The following CTNNA2 variants were observed in gnomAD, a reference collection of about 807,000 sequenced individuals.
CTNNA2 encodes catenin alpha-2.
Under a neutral mutation model 101.0 loss-of-function variants are expected in CTNNA2, and 42 were observed. That is an observed-to-expected ratio of 0.42 (90% CI 0.32 to 0.54). The LOEUF (loss-of-function observed/expected upper bound fraction) is 0.54, where lower values mean the gene tolerates loss of function less well. Ranked by LOEUF, CTNNA2 falls within the 20% of genes least tolerant of loss-of-function variation. CTNNA2 has a pLI of 0.14. For synonymous variants in CTNNA2, 450 were observed against 456.4 expected, an observed-to-expected ratio of 0.99 and a Z score of 0.18; for missense variants, 871 against 1,223.1, an observed-to-expected ratio of 0.71 and a Z score of 4.29.
At chr2:80,140,292 G>A (rs989974444) in intron 7 of CTNNA2, among the ~76,000 whole-genome samples, 11 of 152,074 alleles carry the variant, frequency 7.2e-5, no homozygotes, top group African/African-American at 2.7e-4. Flanking sequence ...AGTCCATTTG[G>A]TATACTTTTT....
Position 79,874,302 on chromosome 2 carries a change from C to A in CTNNA2, c.812C>A (p.Thr271Lys), listed in dbSNP as rs371923353. The change falls in exon 6 of 19, where the codon ACG (threonine) becomes AAG (lysine). Residue 271 changes from threonine (T) to lysine (K), a missense_variant. Around this residue, in one of 5 missense-constraint regions of CTNNA2, gnomAD observed 647 missense variants for 831.5 expected, o/e 0.78. Coordinates refer to ENST00000402739, the MANE Select transcript of CTNNA2 (RefSeq NM_001282597.3). ...TSPTDEAKGHTGIGELAAALN... is the reference protein window; with the variant it reads ...TSPTDEAKGHKGIGELAAALN... The stretch of plus-strand genomic sequence containing the variant: ...CCCACTGACGAAGCCAAGGGCCACA[C>A]GGGCATCGGCGAGCTGGCTGCGGCT... 1 of 1,613,932 alleles carries A rather than the reference C, an allele frequency of 6.2e-7. No homozygotes were observed. The highest frequency in any genetic ancestry group is 1.7e-5 in the Admixed American group (1 of 59,988).
Position 79,904,620 on chromosome 2 carries a change from G to A in CTNNA2, c.853-4974G>A, listed in dbSNP as rs190871553. On this transcript the variant is annotated intron_variant, in intron 6 of 18. Transcript: ENST00000402739. ...TTATTTGTGAGCTGAATGACCATGG[G>A]ACAACATCTCTGGCATCATTTCCCT... Among the ~76,000 whole-genome samples the A allele has an allele frequency of 5.8e-4, 88 of 152,252 alleles. 1 individual carries two copies. Among genetic ancestry groups the A allele is most frequent in the African/African-American group, 2.0e-3 (84 of 41,530 alleles).
intron 7 of CTNNA2, among the ~76,000 whole-genome samples, chr2:79,961,363 A>C (rs1004975137): frequency 6.6e-6 from 1 of 152,166 alleles, no homozygotes; most frequent in South Asian, 2.1e-4. Flanking sequence ...TCTATCACCC[A>C]GTGCTTGAGG....
At chr2:79,594,195 CT>C (rs1352155903) in intron 1 of CTNNA2, among the ~76,000 whole-genome samples, 2 of 151,990 alleles carry the variant, frequency 1.3e-5, no homozygotes, top group Non-Finnish European at 2.9e-5. Flanking sequence ...GCCTCTTTTA[CT>C]TCTTTTTTAT....
At chr2:79,636,269 CAAAAAAAAA>C (rs57739991) in intron 1 of CTNNA2, among the ~76,000 whole-genome samples, 1 of 67,258 alleles carries the variant, frequency 1.5e-5, no homozygotes, top group Non-Finnish European at 3.2e-5. Context: ...GACTCTGTCT[CAAAAAAAAA>C]AAAAAAAAAA....
intron 7 of CTNNA2, among the ~76,000 whole-genome samples, chr2:80,307,833 T>C (rs1244277374): frequency 1.3e-5 from 2 of 152,200 alleles, no homozygotes; most frequent in Non-Finnish European, 2.9e-5. Context: ...AACATGTGAT[T>C]GGGCACTGAG....
intron 7 of CTNNA2, among the ~76,000 whole-genome samples, chr2:80,070,445 C>A (rs538359325): frequency 1.3e-5 from 2 of 152,220 alleles, no homozygotes; most frequent in South Asian, 4.2e-4. Flanking sequence ...TTGGGCCTCA[C>A]ACCTGTAATC....
intron 6 of CTNNA2, among the ~76,000 whole-genome samples, chr2:79,875,025 T>C (rs1459244951): frequency 6.6e-6 from 1 of 152,188 alleles, no homozygotes; most frequent in Non-Finnish European, 1.5e-5. Context: ...AGTGATAAAG[T>C]ACATTGCCCT....
chr2:79,308,680 A>G (rs542535409), intron 2 of CTNNA2, among the ~76,000 whole-genome samples: 1 of 151,432 alleles, frequency 6.6e-6, no homozygotes, highest in Non-Finnish European at 1.5e-5. Context: ...TGGTTTTTGT[A>G]TAGGGTGAGA....
At chr2:79,476,200 C>T (rs758706060) in intron 4 of CTNNA2, among the ~76,000 whole-genome samples, 1 of 152,080 alleles carries the variant, frequency 6.6e-6, no homozygotes, top group Non-Finnish European at 1.5e-5. Context: ...ACACAGGGCA[C>T]CAGGAATCTC....
chr2:80,385,144 A>G (rs929474514), intron 7 of CTNNA2, among the ~76,000 whole-genome samples: 3 of 152,212 alleles, frequency 2.0e-5, no homozygotes, highest in Non-Finnish European at 4.4e-5. Context: ...TGTTTTATAT[A>G]CTAAATGCTT....
Position 79,392,493 on chromosome 2 carries a change from G to T in CTNNA2, c.-135+18480G>T, listed in dbSNP as rs1268417294. ...TTTAGTTTACCTGTGTGATCTATCT[G>T]GAAGAAAGTATGATCTCCTTATGAG... On this transcript the variant is annotated intron_variant, in intron 4 of 21. Coordinates refer to the CTNNA2 transcript ENST00000466387. Among the ~76,000 whole-genome samples, 4 of 152,136 alleles carry T rather than the reference G, an allele frequency of 2.6e-5. No homozygotes were observed. In the South Asian group the frequency reaches 8.3e-4, roughly 32 times the overall value.
intron 4 of CTNNA2, among the ~76,000 whole-genome samples, chr2:79,378,388 T>G (rs549402285): frequency 1.3e-5 from 2 of 152,302 alleles, no homozygotes; most frequent in South Asian, 4.1e-4. Context: ...AATATACATG[T>G]ATTGTAGGGT....
intron 18 of CTNNA2, among the ~76,000 whole-genome samples, chr2:80,631,880 T>TG (rs1558662026): frequency 6.6e-6 from 1 of 152,074 alleles, no homozygotes; most frequent in African/African-American, 2.4e-5. Context: ...TGTAGTACTT[T>TG]TTGTTGTTGT....
chr2:79,855,901 A>G (rs954975124), intron 3 of CTNNA2, among the ~76,000 whole-genome samples: 3 of 152,282 alleles, frequency 2.0e-5, no homozygotes, highest in Admixed American at 2.0e-4. Flanking sequence ...TTCTACTTGC[A>G]CTGTATAAAG....
chr2:80,229,726 A>G (rs1021312933), intron 7 of CTNNA2, among the ~76,000 whole-genome samples: 3 of 152,186 alleles, frequency 2.0e-5, no homozygotes, highest in Non-Finnish European at 4.4e-5. Flanking sequence ...AATGTGTTCA[A>G]ATACTTGATT....
intron 9 of CTNNA2, among the ~76,000 whole-genome samples, chr2:80,528,074 T>C (rs542253133): frequency 1.3e-5 from 2 of 152,302 alleles, no homozygotes; most frequent in African/African-American, 4.8e-5. Context: ...AAGGGAAAAT[T>C]TTCTTATAGA....
chr2:79,479,734 C>G (rs1028148681), intron 4 of CTNNA2, among the ~76,000 whole-genome samples: 25 of 152,058 alleles, frequency 1.6e-4, no homozygotes, highest in African/African-American at 6.0e-4. Context: ...ACCAGCCTGG[C>G]CAACATGGTG....
chr2:79,253,770 C>A (rs1247826039), intron 2 of CTNNA2, among the ~76,000 whole-genome samples: 1 of 152,178 alleles, frequency 6.6e-6, no homozygotes, highest in Non-Finnish European at 1.5e-5. Flanking sequence ...ATTGACATTT[C>A]TGATCATTTT....
Sources: allele counts gnomAD v4.1 joint callset (sites outside exome capture counted in the v4.1 genomes callset), GRCh38; gene constraint gnomAD v4.1.1; regional missense constraint gnomAD v4.1.1; transcripts MANE v1.5; gene names NCBI Gene and HGNC (gene_info 2026-07-23, HGNC 2026-07-21).